PIK3AP1: variants seen among roughly 807,000 people sequenced by gnomAD.
PIK3AP1 encodes the protein phosphoinositide-3-kinase adaptor protein 1, also known as phosphoinositide 3-kinase adapter protein 1.
A neutral mutation model predicts 88.1 loss-of-function variants in PIK3AP1; 21 were observed. The ratio of observed to expected loss-of-function variants is 0.24; its 90% confidence interval spans 0.17 to 0.34. The LOEUF (loss-of-function observed/expected upper bound fraction) is 0.34. PIK3AP1 is among the 10% of genes least tolerant of loss of function. The pLI is 1.00. For missense variants in PIK3AP1, 828 were observed against 1,035.7 expected (o/e 0.80, Z 2.75); for synonymous variants, 398 against 400.0 (o/e 1.00, Z 0.06).
At chr10:96,692,245 A>G (rs1844163504) in intron 2 of PIK3AP1, among the ~76,000 whole-genome samples, 2 of 152,196 alleles carry the variant, frequency 1.3e-5, no homozygotes, top group African/African-American at 4.8e-5. Flanking sequence ...TCATATTTCA[A>G]TACAGCTGTT....
intron 2 of PIK3AP1, among the ~76,000 whole-genome samples, chr10:96,688,745 C>G (rs1844110156): frequency 1.3e-5 from 2 of 151,694 alleles, no homozygotes; most frequent in Non-Finnish European, 2.9e-5. Context: ...GTGCAGTGAG[C>G]TGAGATCATG....
chr10:96,628,907 T>TATAC (rs1491508693), intron 8 of PIK3AP1, among the ~76,000 whole-genome samples: 1 of 10,850 alleles, frequency 9.2e-5, no homozygotes, highest in East Asian at 7.0e-3. Flanking sequence ...TATATATATA[T>TATAC]GTGTATATAT....
chr10:96,625,177 C>T (rs1300792543), intron 10 of PIK3AP1, among the ~76,000 whole-genome samples: 3 of 152,204 alleles, frequency 2.0e-5, no homozygotes, highest in Non-Finnish European at 4.4e-5. Flanking sequence ...AGCTGGGGCA[C>T]TCATCCATAC....
intron 8 of PIK3AP1, among the ~76,000 whole-genome samples, chr10:96,637,067 A>G (rs778209084): frequency 6.6e-6 from 1 of 152,174 alleles, no homozygotes; most frequent in Non-Finnish European, 1.5e-5. Flanking sequence ...AAGGCTTTCA[A>G]ACCCTGAAAG....
chr10:96,655,349 CA>C (rs1036858431), intron 3 of PIK3AP1, among the ~76,000 whole-genome samples: 1 of 151,694 alleles, frequency 6.6e-6, no homozygotes, highest in Non-Finnish European at 1.5e-5. Flanking sequence ...ACTAAAAATA[CA>C]AAAAAAATTA....
At chr10:96,628,875 C>T (rs12783705) in intron 8 of PIK3AP1, among the ~76,000 whole-genome samples, 63,055 of 87,492 alleles carry the variant, frequency 0.72, 24,622 homozygotes, top group East Asian at 0.94. Context: ...CATATATACA[C>T]ATATATATAT....
intron 16 of PIK3AP1, 88 bp from the exon 17 acceptor site, chr10:96,595,722 A>G (rs1247921166): frequency 9.1e-6 from 12 of 1,313,604 alleles, no homozygotes; most frequent in Non-Finnish European, 1.3e-5. Context: ...AACTTGGTAT[A>G]CTATGCAAAG....
chr10:96,682,479 G>A (rs991464913), intron 2 of PIK3AP1, among the ~76,000 whole-genome samples: 1 of 152,122 alleles, frequency 6.6e-6, no homozygotes, highest in Non-Finnish European at 1.5e-5. Context: ...TTCTCTCCAA[G>A]GATGCTTTCC....
intron 2 of PIK3AP1, chr10:96,700,775 T>A (rs1353145154): frequency 7.1e-6 from 7 of 981,118 alleles, no homozygotes; most frequent in African/African-American, 1.7e-5. Context: ...AAGTGCCCCA[T>A]AAGCCCCAGA....
rs75725891 is a variant in PIK3AP1, at chr10:96,647,553, C to T, written c.1185+1106G>A. On this transcript the variant is annotated intron_variant, in intron 7 of 16. Transcript: ENST00000339364. ...AGTAAATACACCCAGACTGAGAGCA[C>T]CTTTTAGACTTATTTGTGTCAGTGA... 2.1e-3 allele frequency among the ~76,000 whole-genome samples: 326 copies of T among 152,282 alleles called. 1 individual carries two copies. Among genetic ancestry groups the T allele is most frequent in the African/African-American group, 7.0e-3 (289 of 41,546 alleles).
intron 7 of PIK3AP1, among the ~76,000 whole-genome samples, chr10:96,647,909 T>C (rs538284540): frequency 1.3e-4 from 20 of 152,188 alleles, no homozygotes; most frequent in African/African-American, 2.6e-4. Context: ...AGAGGCAATA[T>C]TGGGGCATGG....
At chr10:96,664,554 A>G (rs1041211300) in intron 2 of PIK3AP1, among the ~76,000 whole-genome samples, 5 of 150,946 alleles carry the variant, frequency 3.3e-5, no homozygotes, top group Non-Finnish European at 2.9e-5. Context: ...TCATTTTTTT[A>G]AAATAGGCAC....
chr10:96,639,827 G>A lies in PIK3AP1; in HGVS notation c.1375+5646C>T, dbSNP rs11815042. On this transcript the variant is annotated intron_variant, in intron 8 of 16. Transcript: ENST00000339364. ...GAGAGAAAAGGATGCAGATAGGAGA[G>A]ACAGTATGTTTCATAAGCAAACCAG... Among the ~76,000 whole-genome samples the A allele has an allele frequency of 4.1e-3, 621 of 152,330 alleles. 1 individual carries two copies. The highest frequency in any genetic ancestry group is 0.014 in the African/African-American group (584 of 41,578).
chr10:96,615,379 C>A (rs922241361), intron 13 of PIK3AP1, among the ~76,000 whole-genome samples: 1 of 152,116 alleles, frequency 6.6e-6, no homozygotes, highest in Non-Finnish European at 1.5e-5. Flanking sequence ...AATGGGTTAA[C>A]TATAGAGGGG....
chr10:96,717,458 A>G (rs1181924297), intron 1 of PIK3AP1, among the ~76,000 whole-genome samples: 1 of 152,126 alleles, frequency 6.6e-6, no homozygotes, highest in Admixed American at 6.5e-5. Flanking sequence ...CAGGATAAGG[A>G]GAGATGTGGT....
At chr10:96,681,269 A>T (rs1025551570) in intron 2 of PIK3AP1, among the ~76,000 whole-genome samples, 1 of 152,130 alleles carries the variant, frequency 6.6e-6, no homozygotes, top group East Asian at 1.9e-4. Context: ...ATTTTACCTT[A>T]ATTACCTTTT....
chr10:96,715,970 A>G (rs144462277), intron 1 of PIK3AP1, among the ~76,000 whole-genome samples: 288 of 152,188 alleles, frequency 1.9e-3, no homozygotes, highest in Non-Finnish European at 3.4e-3. Context: ...ATAAACAAAC[A>G]GAACAGCTAT....
chr10:96,638,717 C>A (rs1463781417), intron 8 of PIK3AP1, among the ~76,000 whole-genome samples: 1 of 152,180 alleles, frequency 6.6e-6, no homozygotes, highest in Non-Finnish European at 1.5e-5. Context: ...GTGAGTCGCA[C>A]GCGGTAGCCC....
At chr10:96,676,656 T>A (rs866173284) in intron 2 of PIK3AP1, among the ~76,000 whole-genome samples, 20,168 of 72,384 alleles carry the variant, frequency 0.28, 2,279 homozygotes, top group African/African-American at 0.55. Flanking sequence ...TTTCTGGGGT[T>A]TTTTTTTTTT....
Sources: gnomAD v4.1 joint callset for allele counts (sites outside exome capture counted in the v4.1 genomes callset) on GRCh38, gnomAD v4.1.1 for gene constraint, MANE v1.5 for transcripts, NCBI Gene and HGNC (gene_info 2026-07-23, HGNC 2026-07-21) for gene names.